Variants in ZCCHC2 observed in about 807,000 individuals in gnomAD.
ZCCHC2 encodes zinc finger CCHC-type containing 2, also known as zinc finger CCHC domain-containing protein 2.
A neutral mutation model predicts 103.6 loss-of-function variants in ZCCHC2; 39 were observed. That is an observed-to-expected ratio of 0.38 (90% CI 0.29 to 0.49). The LOEUF (loss-of-function observed/expected upper bound fraction) is 0.49, where lower values mean the gene tolerates loss of function less well. Ranked by LOEUF, ZCCHC2 falls within the 20% of genes least tolerant of loss-of-function variation. The probability of loss-of-function intolerance (pLI) is 0.96; values close to 1 mark genes in which losing one functional copy is unlikely to be tolerated. For synonymous variants in ZCCHC2, 687 were observed against 608.9 expected (o/e 1.13, Z -1.89); for missense variants, 1,483 against 1,491.0 (o/e 0.99, Z 0.09).
At chr18:62,545,826 G>A (rs1163646827) in intron 4 of ZCCHC2, among the ~76,000 whole-genome samples, 1 of 152,178 alleles carries the variant, frequency 6.6e-6, no homozygotes, top group East Asian at 1.9e-4. Context: ...TTGTCTGCTT[G>A]TCACCATAAG....
chr18:62,578,851 CTG>C (rs1916961936), downstream of ZCCHC2, among the ~76,000 whole-genome samples: 1 of 152,192 alleles, frequency 6.6e-6, no homozygotes, highest in Non-Finnish European at 1.5e-5. Flanking sequence ...CCTGCAACCT[CTG>C]CCTCCCTGGA....
intron 12 of ZCCHC2, 101 bp from the exon 13 acceptor site, chr18:62,573,956 T>A: frequency 7.9e-7 from 1 of 1,269,606 alleles, no homozygotes; most frequent in South Asian, 1.5e-5. Flanking sequence ...AGGGACACTT[T>A]CCAAACTTGA....
At chr18:62,563,979 A>G (rs1916233825) in intron 9 of ZCCHC2, among the ~76,000 whole-genome samples, 1 of 152,186 alleles carries the variant, frequency 6.6e-6, no homozygotes, top group African/African-American at 2.4e-5. Flanking sequence ...CCCTGTGTAT[A>G]TGTTACAAGT....
In ZCCHC2 at chr18:62,523,785, C is replaced by T. The variant is rs1204938318; in HGVS notation, c.361C>T (p.Leu121=). The change falls in exon 1 of 14, where the codon CTG becomes TTG. Residue 121 remains leucine, a synonymous_variant. Transcript: ENST00000269499. ...GGAGTTCATGTGCGGGCTGCTGGAC[C>T]TGTGCAACCCGCTGGAGCTGCGCTT... ...RLEFMCGLLD[L]CNPLELRFLG... is the part of the protein sequence containing the mutation. 1.9e-6 allele frequency: 3 copies of T among 1,540,078 alleles called. No individual in the cohort carries two copies. The highest frequency in any genetic ancestry group is 2.5e-5 in the East Asian group (1 of 40,520).
At chr18:62,532,909 T>C (rs1285099511) in intron 1 of ZCCHC2, among the ~76,000 whole-genome samples, 2 of 151,980 alleles carry the variant, frequency 1.3e-5, no homozygotes, top group Non-Finnish European at 2.9e-5. Flanking sequence ...TAGTGGTGCA[T>C]GTCTGTAGTC....
chr18:62,551,333 T>C (rs1166950992), intron 5 of ZCCHC2: 1 of 152,232 alleles, frequency 6.6e-6, no homozygotes, highest in Non-Finnish European at 1.5e-5. Flanking sequence ...GGTATTGGTC[T>C]GTCCTGTTGT....
At chr18:62,568,404 A>G (rs547542201) in intron 11 of ZCCHC2, among the ~76,000 whole-genome samples, 74 of 152,328 alleles carry the variant, frequency 4.9e-4, no homozygotes, top group African/African-American at 1.7e-3. Flanking sequence ...ATTTCTGATT[A>G]TAAAAGTTCT....
intron 8 of ZCCHC2, among the ~76,000 whole-genome samples, chr18:62,562,638 T>G (rs1201270470): frequency 6.6e-6 from 1 of 152,208 alleles, no homozygotes; most frequent in African/African-American, 2.4e-5. Context: ...TTTCTTTTGG[T>G]TTTTGATCTC....
chr18:62,538,460 G>C (rs768893435), intron 1 of ZCCHC2, among the ~76,000 whole-genome samples: 1 of 151,932 alleles, frequency 6.6e-6, no homozygotes, highest in Non-Finnish European at 1.5e-5. Flanking sequence ...ATATGGTCTG[G>C]GTTAGGATAT....
chr18:62,553,259 C>T (rs987386306), intron 5 of ZCCHC2, among the ~76,000 whole-genome samples: 1 of 149,842 alleles, frequency 6.7e-6, no homozygotes, highest in African/African-American at 2.5e-5. Flanking sequence ...TTTTCTGCCA[C>T]TTTTTTCTTT....
At chr18:62,566,245 C>CAAATAAAT (rs1444843893) in intron 11 of ZCCHC2, among the ~76,000 whole-genome samples, 2 of 152,102 alleles carry the variant, frequency 1.3e-5, no homozygotes, top group South Asian at 4.1e-4. Context: ...AACTCCATCT[C>CAAATAAAT]AAATAAATAA....
rs187185270 is a variant in ZCCHC2, at chr18:62,575,759, G to A, written c.3469+209G>A. 2.0e-5 allele frequency among the ~76,000 whole-genome samples: 3 copies of A among 152,292 alleles called. No homozygotes were observed. In the East Asian group the frequency reaches 5.8e-4, roughly 29 times the overall value. The stretch of plus-strand genomic sequence containing the variant: ...GCACAAGGAAGTTCAGAGGAATTCA[G>A]TTTCCAATTAAGGAATAAACTCTAA... On this transcript the variant is annotated intron_variant, in intron 13 of 13. Coordinates refer to ENST00000269499, the MANE Select transcript of ZCCHC2 (RefSeq NM_017742.6).
At chr18:62,542,469 C>G in intron 2 of ZCCHC2, 29 bp from the exon 3 acceptor site, 1 of 1,540,204 alleles carries the variant, frequency 6.5e-7, no homozygotes, top group East Asian at 2.4e-5. Context: ...CTTTGTAGCA[C>G]AAGTCACCGT....
chr18:62,532,489 T>G (rs1015337144), intron 1 of ZCCHC2, among the ~76,000 whole-genome samples: 3 of 152,188 alleles, frequency 2.0e-5, no homozygotes, highest in African/African-American at 7.2e-5. Flanking sequence ...AATCATACTA[T>G]CTTTTCTTTG....
chr18:62,526,735 A>G (rs909241200), intron 1 of ZCCHC2, among the ~76,000 whole-genome samples: 2 of 151,916 alleles, frequency 1.3e-5, no homozygotes, highest in African/African-American at 4.8e-5. Context: ...CTCGGAGGTC[A>G]CGCAACGCCC....
At chr18:62,550,307 T>C (rs373383041) in intron 4 of ZCCHC2, 41 bp from the exon 5 acceptor site, 99 of 1,431,586 alleles carry the variant, frequency 6.9e-5, no homozygotes, top group Admixed American at 3.5e-4. Context: ...TACCAGTAAG[T>C]GAGAAACTTA....
intron 4 of ZCCHC2, among the ~76,000 whole-genome samples, 183 bp downstream of exon 4, chr18:62,545,056 C>A (rs1180652942): frequency 2.0e-5 from 3 of 152,012 alleles, no homozygotes; most frequent in Non-Finnish European, 4.4e-5. Flanking sequence ...CCTGACATTA[C>A]CAACATAAGG....
At chr18:62,534,753 A>C (rs1914846567) in intron 1 of ZCCHC2, among the ~76,000 whole-genome samples, 1 of 152,252 alleles carries the variant, frequency 6.6e-6, no homozygotes, top group African/African-American at 2.4e-5. Context: ...TGTGAACCAA[A>C]TGCTGTAATG....
chr18:62,531,694 C>T (rs1353505096), intron 1 of ZCCHC2, among the ~76,000 whole-genome samples: 4 of 151,048 alleles, frequency 2.6e-5, no homozygotes, highest in Non-Finnish European at 1.5e-5. Context: ...CGCCTGTAAT[C>T]TCAACAGTTT....
Sources: allele counts gnomAD v4.1 joint callset (sites outside exome capture counted in the v4.1 genomes callset), GRCh38; gene constraint gnomAD v4.1.1; transcripts MANE v1.5; gene names NCBI Gene and HGNC (gene_info 2026-07-23, HGNC 2026-07-21).